The following CYYR1 variants were observed in gnomAD, a reference collection of about 807,000 sequenced individuals.
CYYR1 encodes the protein cysteine and tyrosine rich 1.
CYYR1 carries 14 observed loss-of-function variants against 15.2 expected under a neutral mutation model. That is an observed-to-expected ratio of 0.92 (90% confidence interval 0.61 to 1.44). The LOEUF is 1.44. CYYR1 is among the 40% of genes most tolerant of loss of function. The pLI is 0.00. For missense variants in CYYR1, 228 were observed against 209.5 expected (o/e 1.09, Z -0.54); for synonymous variants, 80 against 77.4 (o/e 1.03, Z -0.18).
At chr21:26,476,236 C>T (rs1021107710) in intron 3 of CYYR1, among the ~76,000 whole-genome samples, 2 of 152,124 alleles carry the variant, frequency 1.3e-5, no homozygotes, top group Non-Finnish European at 2.9e-5. Context: ...AAGATTTAGG[C>T]TGTGATCTTC....
chr21:26,525,433 A>G lies in CYYR1; in HGVS notation c.176+40833T>C, dbSNP rs1196041725. The stretch of plus-strand genomic sequence containing the variant: ...GTGAGCGTGGTTCCAGCCCTCAACC[A>G]TGAGGGCCTCCCGCCTTGAGCTGAG... On this transcript the variant is annotated intron_variant, in intron 2 of 3. Coordinates refer to ENST00000652641, the MANE Select transcript of CYYR1 (RefSeq NM_001320768.2). Among the ~76,000 whole-genome samples the G allele has an allele frequency of 2.0e-5, 3 of 152,158 alleles. No homozygotes were observed. The East Asian group carries it at 5.8e-4, about 29-fold the overall frequency.
intron 3 of CYYR1, 77 bp downstream of exon 3, chr21:26,480,195 G>A (rs2065155390): frequency 7.1e-7 from 1 of 1,408,154 alleles, no homozygotes; most frequent in Non-Finnish European, 9.6e-7. Context: ...TGACCATCTA[G>A]AATGTTTCCT....
At chr21:26,519,373 A>G (rs2065773818) in intron 2 of CYYR1, among the ~76,000 whole-genome samples, 1 of 152,202 alleles carries the variant, frequency 6.6e-6, no homozygotes, top group South Asian at 2.1e-4. Context: ...AAAGTGGTGA[A>G]GGAGTTGGCC....
intron 2 of CYYR1, among the ~76,000 whole-genome samples, chr21:26,492,859 G>A (rs1034208538): frequency 3.9e-5 from 6 of 152,076 alleles, no homozygotes; most frequent in African/African-American, 1.4e-4. Context: ...AGGATTAAAC[G>A]CAAATGGGGA....
rs1491365888 is a variant in CYYR1 at position 26,520,111 on chromosome 21, G to GATATATATATATATATATATATAT, written c.177-39683_177-39682insATATATATATATATATATATATAT. 4.7e-3 allele frequency among the ~76,000 whole-genome samples: 386 copies of GATATATATATATATATATATATAT among 82,876 alleles called. 28 individuals are homozygous for GATATATATATATATATATATATAT. Among genetic ancestry groups the GATATATATATATATATATATATAT allele is most frequent in the Middle Eastern group, 6.1e-3 (1 of 164 alleles). The allele number at this position is 82,876 out of a possible 152,430, so 54.4% of individuals were successfully genotyped here. ...TTTCTTCTTCTAAAAAAAAACCCAG[G>GATATATATATATATATATATATAT]AGATATATATATATATATATATATA... On this transcript the variant is annotated intron_variant, in intron 2 of 3. Transcript: ENST00000652641.
At chr21:26,529,722 T>A (rs2065907642) in intron 2 of CYYR1, among the ~76,000 whole-genome samples, 1 of 152,234 alleles carries the variant, frequency 6.6e-6, no homozygotes, top group African/African-American at 2.4e-5. Flanking sequence ...TTAAAAATTA[T>A]CAGCTGTACA....
At chr21:26,496,575 A>C (rs2065407457) in intron 2 of CYYR1, among the ~76,000 whole-genome samples, 1 of 152,216 alleles carries the variant, frequency 6.6e-6, no homozygotes, top group South Asian at 2.1e-4. Context: ...ATACAAAACT[A>C]GTAAACCTTA....
At chr21:26,485,258 A>T (rs1211395920) in intron 2 of CYYR1, among the ~76,000 whole-genome samples, 1 of 152,068 alleles carries the variant, frequency 6.6e-6, no homozygotes, top group African/African-American at 2.4e-5. Flanking sequence ...GAGCTCACGT[A>T]CCCTTCACCC....
At chr21:26,553,915 AGCT>A (rs1418637300) in intron 2 of CYYR1, among the ~76,000 whole-genome samples, 1 of 152,212 alleles carries the variant, frequency 6.6e-6, no homozygotes, top group African/African-American at 2.4e-5. Flanking sequence ...GATAGACCTC[AGCT>A]GATCCTCACT....
At chr21:26,560,688 C>T (rs900688752) in intron 2 of CYYR1, among the ~76,000 whole-genome samples, 2 of 152,088 alleles carry the variant, frequency 1.3e-5, no homozygotes, top group African/African-American at 4.8e-5. Flanking sequence ...CTTAGAATTA[C>T]CCTGCTTTAA....
In CYYR1 at chr21:26,466,567, G is replaced by A. The variant is rs1373906742; in HGVS notation, c.*1934C>T. The A allele has an allele frequency of 6.6e-6, 1 of 152,150 alleles. No homozygotes were observed. Among genetic ancestry groups the A allele is most frequent in the East Asian group, 1.9e-4 (1 of 5,196 alleles). 9.4% of individuals were successfully genotyped at this position (152,150 alleles called of 1,614,324 possible). A position where few individuals can be genotyped will look rare whatever the true frequency, so the allele number is the denominator to read the frequency against. On this transcript the variant is annotated 3_prime_UTR_variant, in exon 4 of 4. Transcript: ENST00000652641. Reference sequence around the variant, plus strand: ...AGAATATAGGAGGTACGCAATAAATGTTTATTGATGGTGAAGATGAGAAAA... The same window carrying A: ...AGAATATAGGAGGTACGCAATAAATATTTATTGATGGTGAAGATGAGAAAA...
intron 2 of CYYR1, among the ~76,000 whole-genome samples, chr21:26,550,054 A>G: frequency 6.6e-6 from 1 of 152,146 alleles, no homozygotes; most frequent in Non-Finnish European, 1.5e-5. Flanking sequence ...CCAACAGCAT[A>G]TGCTCACTTT....
intron 2 of CYYR1, among the ~76,000 whole-genome samples, chr21:26,506,171 G>C (rs759207660): frequency 2.0e-5 from 3 of 152,086 alleles, no homozygotes; most frequent in Non-Finnish European, 4.4e-5. Context: ...ATCTAGAAAA[G>C]GGGCCCTTGG....
intron 2 of CYYR1, among the ~76,000 whole-genome samples, chr21:26,515,255 T>C (rs2065710140): frequency 6.6e-6 from 1 of 152,244 alleles, no homozygotes; most frequent in Non-Finnish European, 1.5e-5. Flanking sequence ...TTCAGCCCTC[T>C]TAGGCCACTT....
At position 26,480,275 on chromosome 21, in the gene CYYR1, G is replaced by T. The variant is rs1215339708; in HGVS notation, c.331C>A (p.Pro111Thr). 1.9e-6 allele frequency: 3 copies of T among 1,609,808 alleles called. 1 individual carries two copies. The South Asian group carries it at 3.3e-5, about 18-fold the overall frequency. Residue 111 changes from proline to threonine, a missense_variant, in exon 3 of 4, where the codon CCT becomes ACT. Pro to Thr is a conservative substitution (Grantham distance 38). Coordinates refer to ENST00000652641, the MANE Select transcript of CYYR1 (RefSeq NM_001320768.2). ...TTHINTVSSY[P>T]AGPPPYGHDH... ...GAGAGTCAACAGTTTTGCTCACCAG[G>T]ATAGGAGGAGACGGTGTTGATGTGA... is the stretch of plus-strand genomic sequence containing the variant.
At chr21:26,476,390 A>G (rs1425139036) in intron 3 of CYYR1, among the ~76,000 whole-genome samples, 1 of 152,116 alleles carries the variant, frequency 6.6e-6, no homozygotes, top group Non-Finnish European at 1.5e-5. Context: ...CACTTTTAAG[A>G]CCTGCGAATA....
Position 26,480,340 on chromosome 21 carries a change from T to C in CYYR1, c.266A>G (p.Lys89Arg). ...GIAICICMCM[K>R]NHRATRVGIL... ...GCCCACGCGGGTCGCCCTGTGGTTCTTCATGCACATGCAGATGCATATGGC... is the reference window on the plus strand; with the variant it reads ...GCCCACGCGGGTCGCCCTGTGGTTCCTCATGCACATGCAGATGCATATGGC... Residue 89 changes from lysine (K) to arginine (R), a missense_variant, in exon 3 of 4, where the codon AAG becomes AGG. Lys to Arg is a conservative substitution (Grantham distance 26). Coordinates refer to ENST00000652641, the MANE Select transcript of CYYR1 (RefSeq NM_001320768.2). 6.2e-7 allele frequency: 1 copy of C among 1,613,654 alleles called. No individual in the cohort carries two copies. The highest frequency in any genetic ancestry group is 8.5e-7 in the Non-Finnish European group (1 of 1,179,728).
chr21:26,473,219 T>C (rs1347947573), intron 3 of CYYR1, among the ~76,000 whole-genome samples: 1 of 152,078 alleles, frequency 6.6e-6, no homozygotes, highest in Non-Finnish European at 1.5e-5. Flanking sequence ...AATTGCTCAT[T>C]GCAAACCTTC....
At chr21:26,498,991 A>G (rs926446889) in intron 2 of CYYR1, among the ~76,000 whole-genome samples, 26 of 152,320 alleles carry the variant, frequency 1.7e-4, no homozygotes, top group African/African-American at 5.3e-4. Flanking sequence ...GGTTGAGGAC[A>G]CAGCCAAACC....
Sources: gnomAD v4.1 joint callset for allele counts (sites outside exome capture counted in the v4.1 genomes callset) on GRCh38, gnomAD v4.1.1 for gene constraint, MANE v1.5 for transcripts, NCBI Gene and HGNC (gene_info 2026-07-23, HGNC 2026-07-21) for gene names.